Variants in SPATA21 observed in about 807,000 individuals in gnomAD.
The protein encoded by SPATA21 is spermatogenesis associated 21, also known as spermatogenesis-associated protein 21.
In SPATA21, 47 loss-of-function variants were observed where a neutral mutation model predicts 54.8. The observed-to-expected ratio is 0.86, with a 90% CI of 0.68 to 1.09. SPATA21 has a LOEUF of 1.09. Ranked by LOEUF, SPATA21 falls within the 50% of genes least tolerant of loss-of-function variation. The probability of loss-of-function intolerance (pLI) is 0.00; values close to 1 mark genes in which losing one functional copy is unlikely to be tolerated. For missense variants in SPATA21, 599 were observed against 596.4 expected (o/e 1.00, Z -0.05); for synonymous variants, 245 against 235.3 (o/e 1.04, Z -0.38).
In SPATA21 at chr1:16,426,557, C is replaced by CTATATATATATATATA. The variant is rs778670029; in HGVS notation, c.35-4602_35-4587dup. 6.2e-4 allele frequency among the ~76,000 whole-genome samples: 53 copies of CTATATATATATATATA among 85,782 alleles called. No individual in the cohort carries two copies. In the East Asian group the frequency reaches 6.8e-3, roughly 11 times the overall value. 56.3% of individuals were successfully genotyped at this position (85,782 alleles called of 152,430 possible). A position where few individuals can be genotyped will look rare whatever the true frequency, so the allele number is the denominator to read the frequency against. Reference sequence around the variant, plus strand: ...TACAGGCGTGAACCATGGTGCCCGGCTATATATATATATATATATATATTT... The same window carrying CTATATATATATATATA: ...TACAGGCGTGAACCATGGTGCCCGGCTATATATATATATATATATATATATATATATATATATATTT... On this transcript the variant is annotated intron_variant, in intron 3 of 12. Transcript: ENST00000335496.
intron 3 of SPATA21, 183 bp from the exon 4 acceptor site, chr1:16,422,154 A>AT: frequency 2.1e-6 from 3 of 1,456,648 alleles, no homozygotes; most frequent in South Asian, 2.8e-5. Flanking sequence ...TGGCTGCACC[A>AT]TGTCTGCCTG....
At chr1:16,435,605 C>T (rs912051984) in intron 1 of SPATA21, among the ~76,000 whole-genome samples, 4 of 151,682 alleles carry the variant, frequency 2.6e-5, no homozygotes, top group Admixed American at 2.6e-4. Context: ...GTGTGAGCCA[C>T]CATGCCCGGC....
chr1:16,429,511 G>A (rs956347389), intron 3 of SPATA21, among the ~76,000 whole-genome samples: 10 of 151,928 alleles, frequency 6.6e-5, no homozygotes, highest in Admixed American at 3.9e-4. Flanking sequence ...TTTCACTCTT[G>A]TTGCCCAGGC....
At chr1:16,424,245 A>T (rs965359085) in intron 3 of SPATA21, among the ~76,000 whole-genome samples, 6 of 112,570 alleles carry the variant, frequency 5.3e-5, no homozygotes, top group African/African-American at 1.4e-4. Flanking sequence ...CCTGGGAGGC[A>T]GAGCTTGCAG....
intron 3 of SPATA21, chr1:16,425,693 T>C (rs1401148560): frequency 6.5e-7 from 1 of 1,550,098 alleles, no homozygotes; most frequent in Non-Finnish European, 8.7e-7. Context: ...TTGCAGCTCC[T>C]GGGACCCTTC....
At chr1:16,410,118 C>G in intron 5 of SPATA21, 75 bp from the exon 6 acceptor site, 3 of 1,245,956 alleles carry the variant, frequency 2.4e-6, no homozygotes, top group Non-Finnish European at 2.2e-6. Context: ...CTGCCATCCC[C>G]TCTCCAGAGA....
chr1:16,414,893 C>CAAAAAAAAAAAAAAA (rs528947922), intron 5 of SPATA21, among the ~76,000 whole-genome samples: 2 of 74,344 alleles, frequency 2.7e-5, no homozygotes, highest in African/African-American at 5.6e-5. Context: ...AACCTCATCT[C>CAAAAAAAAAAAAAAA]AAAAAAAAAA....
rs574010253 is a variant in SPATA21, at chr1:16,402,034, C to T, written c.1002-1142G>A. Reference sequence around the variant, plus strand: ...TGGGCCAAGGGTGCCGCAGTGGCCACTTTCACACAGGCTTCAACTAGCTTT... The same window carrying T: ...TGGGCCAAGGGTGCCGCAGTGGCCATTTTCACACAGGCTTCAACTAGCTTT... On this transcript the variant is annotated intron_variant, in intron 10 of 12. Coordinates refer to ENST00000335496, the MANE Select transcript of SPATA21 (RefSeq NM_198546.1). Among the ~76,000 whole-genome samples, 35 of 152,252 alleles carry T rather than the reference C, an allele frequency of 2.3e-4. No homozygotes were observed. The East Asian group carries it at 6.0e-3, about 26-fold the overall frequency.
At chr1:16,437,771 G>T (rs1220929492), upstream of SPATA21, among the ~76,000 whole-genome samples, 5 of 152,162 alleles carry the variant, frequency 3.3e-5, no homozygotes, top group Non-Finnish European at 5.9e-5. Context: ...GCTCTGAATG[G>T]CTGGGTGCGG....
chr1:16,416,322 C>T (rs1230955050), intron 5 of SPATA21, among the ~76,000 whole-genome samples: 1 of 152,162 alleles, frequency 6.6e-6, no homozygotes, highest in Non-Finnish European at 1.5e-5. Flanking sequence ...TGCAGGTGGG[C>T]CTTGGACCCA....
intron 8 of SPATA21, among the ~76,000 whole-genome samples, chr1:16,404,414 G>C (rs940449857): frequency 5.3e-5 from 8 of 152,158 alleles, no homozygotes; most frequent in African/African-American, 1.9e-4. Context: ...AGGTTGCAGT[G>C]AGCCAAGATC....
intron 10 of SPATA21, 50 bp from the exon 11 acceptor site, chr1:16,400,942 C>G (rs746187090): frequency 2.5e-6 from 4 of 1,580,324 alleles, no homozygotes; most frequent in Admixed American, 1.8e-5. Context: ...TTAATTCACC[C>G]TTCTCCTCCT....
intron 5 of SPATA21, among the ~76,000 whole-genome samples, chr1:16,420,378 G>A (rs761406571): frequency 1.2e-4 from 19 of 152,068 alleles, no homozygotes; most frequent in South Asian, 2.1e-4. Flanking sequence ...GGCTTTTGAC[G>A]CCAGGTATGT....
At chr1:16,415,992 T>C (rs995059293) in intron 5 of SPATA21, among the ~76,000 whole-genome samples, 2 of 152,180 alleles carry the variant, frequency 1.3e-5, no homozygotes, top group African/African-American at 4.8e-5. Flanking sequence ...CCTGGATTCC[T>C]CCTTCTGCCT....
chr1:16,431,608 T>G (rs895592547), intron 2 of SPATA21, among the ~76,000 whole-genome samples, 186 bp from the exon 3 acceptor site: 4 of 152,180 alleles, frequency 2.6e-5, no homozygotes, highest in African/African-American at 7.2e-5. Context: ...ACGCTTTTCC[T>G]AGTTCTCACT....
Position 16,403,985 on chromosome 1 carries a change from C to G in SPATA21, c.866G>C (p.Arg289Pro), listed in dbSNP as rs748374174. 9 of 1,574,128 alleles carry G rather than the reference C, an allele frequency of 5.7e-6. No homozygotes were observed. The South Asian group carries it at 9.2e-5, about 16-fold the overall frequency. The change falls in exon 9 of 13, where the codon CGC becomes CCC. Residue 289 changes from arginine to proline, a missense_variant. By Grantham distance (103) the Arg-to-Pro change is moderately radical. Transcript: ENST00000335496. ...DFLAVMTDTR[R>P]FFCSVEQNAL... ...CTGCTCACCCACAGAGCAGAAGAAG[C>G]GCCTGGTGTCTGTCATCACAGCCAA...
At chr1:16,424,217 G>GCGGGCGGAT (rs1214509690) in intron 3 of SPATA21, among the ~76,000 whole-genome samples, 28 of 112,038 alleles carry the variant, frequency 2.5e-4, no homozygotes, top group East Asian at 5.1e-4. Context: ...GGAGGCTGAG[G>GCGGGCGGAT]CAGGAGAATG....
In SPATA21 at chr1:16,428,274, T is replaced by C. The variant is rs2086372134; in HGVS notation, c.34+3064A>G. Among the ~76,000 whole-genome samples the C allele has an allele frequency of 6.6e-6, 1 of 152,138 alleles. No homozygotes were observed. The highest frequency in any genetic ancestry group is 2.1e-4 in the South Asian group (1 of 4,830). ...CAGATTAGTACCCGAGACAAGGGGATTGCCTTAAGGACAGCTTGAAAGAGC... is the reference window on the plus strand; with the variant it reads ...CAGATTAGTACCCGAGACAAGGGGACTGCCTTAAGGACAGCTTGAAAGAGC... On this transcript the variant is annotated intron_variant, in intron 3 of 12. Coordinates refer to ENST00000335496, the MANE Select transcript of SPATA21 (RefSeq NM_198546.1). This position sits in a 1 kb window ranked among gnomAD's most constrained non-coding sequence, Gnocchi z 4.3.
chr1:16,409,431 G>A lies in SPATA21; in HGVS notation c.587+170C>T, dbSNP rs1475973191. 6.6e-6 allele frequency among the ~76,000 whole-genome samples: 1 copy of A among 152,220 alleles called. No homozygotes were observed. The highest frequency in any genetic ancestry group is 2.4e-5 in the African/African-American group (1 of 41,462). ...GAGTTAGAAAAGGGGTCAGAAGTGG[G>A]AGAGGAGGCAGAGACATGGGAGATG... On this transcript the variant is annotated intron_variant, in intron 6 of 12. Coordinates refer to ENST00000335496, the MANE Select transcript of SPATA21 (RefSeq NM_198546.1). The surrounding 1 kb of genome is among the most constrained non-coding windows in gnomAD (Gnocchi z 4.1).
Sources: allele counts gnomAD v4.1 joint callset (sites outside exome capture counted in the v4.1 genomes callset), GRCh38; gene constraint gnomAD v4.1.1; non-coding constraint Gnocchi (gnomAD v3.1); transcripts MANE v1.5; gene names NCBI Gene and HGNC (gene_info 2026-07-23, HGNC 2026-07-21).